The following PHF20 variants were observed in gnomAD, a reference collection of about 807,000 sequenced individuals.
PHF20 encodes PHD finger protein 20.
In PHF20, 23 loss-of-function variants were observed where a neutral mutation model predicts 113.5. The observed-to-expected ratio is 0.20, with a 90% CI of 0.15 to 0.29. PHF20 has a LOEUF of 0.29. Among genes scored for constraint, PHF20 ranks in the 10% least tolerant of loss-of-function variants. The probability of loss-of-function intolerance (pLI) is 1.00; values close to 1 mark genes in which losing one functional copy is unlikely to be tolerated. For synonymous variants in PHF20, 434 were observed against 457.3 expected, an observed-to-expected ratio of 0.95 and a Z score of 0.65; for missense variants, 943 against 1,219.6, an observed-to-expected ratio of 0.77 and a Z score of 3.38.
chr20:35,927,291 G>A (rs1159315927), intron 13 of PHF20, among the ~76,000 whole-genome samples: 1 of 152,170 alleles, frequency 6.6e-6, no homozygotes, highest in African/African-American at 2.4e-5. Flanking sequence ...GCTCATTAGT[G>A]GTTAATAGTA....
chr20:35,861,080 C>T (rs146626162), intron 5 of PHF20, among the ~76,000 whole-genome samples: 211 of 151,944 alleles, frequency 1.4e-3, no homozygotes, highest in African/African-American at 4.7e-3. Context: ...CAAGAGGGTA[C>T]AGTGGTTTGG....
At chr20:35,820,095 C>T (rs756231988) in intron 2 of PHF20, among the ~76,000 whole-genome samples, 4 of 152,126 alleles carry the variant, frequency 2.6e-5, no homozygotes, top group Non-Finnish European at 4.4e-5. Context: ...TGAGCATGGT[C>T]GGGTGTGGCT....
intron 2 of PHF20, among the ~76,000 whole-genome samples, chr20:35,833,265 C>G (rs548961649): frequency 4.6e-5 from 7 of 152,224 alleles, no homozygotes; most frequent in Admixed American, 1.3e-4. Context: ...GACCAGTTAT[C>G]TGACTTGCTT....
chr20:35,824,402 A>T (rs1453744994), intron 2 of PHF20, among the ~76,000 whole-genome samples: 3 of 152,008 alleles, frequency 2.0e-5, no homozygotes, highest in Admixed American at 6.6e-5. Context: ...AGGTCAAGAG[A>T]TCGAGATCAT....
chr20:35,825,690 C>T (rs190621899), intron 2 of PHF20, among the ~76,000 whole-genome samples: 2 of 152,040 alleles, frequency 1.3e-5, no homozygotes, highest in Admixed American at 6.6e-5. Context: ...GTTGCCCAGG[C>T]TGGAGTACAA....
chr20:35,855,807 G>A (rs1235792770), intron 4 of PHF20, among the ~76,000 whole-genome samples: 4 of 152,028 alleles, frequency 2.6e-5, no homozygotes, highest in Non-Finnish European at 5.9e-5. Context: ...CTGAGTAGCT[G>A]GGATTGCAGG....
intron 1 of PHF20, among the ~76,000 whole-genome samples, chr20:35,784,433 CTT>C (rs35002007): frequency 1.8e-5 from 2 of 110,500 alleles, no homozygotes. Flanking sequence ...ATCCCAAAGA[CTT>C]TTTTTTTTTT....
At chr20:35,933,328 G>A (rs1159810021) in intron 15 of PHF20, among the ~76,000 whole-genome samples, 7 of 151,474 alleles carry the variant, frequency 4.6e-5, no homozygotes, top group Non-Finnish European at 8.8e-5. Context: ...CACCTCCTGG[G>A]TTCAAGCGAT....
intron 3 of PHF20, among the ~76,000 whole-genome samples, chr20:35,846,182 AT>A (rs568517729): frequency 2.3e-3 from 333 of 142,754 alleles, no homozygotes; most frequent in Admixed American, 2.7e-3. Context: ...CATTCTACAA[AT>A]TTTTTTTTTT....
intron 9 of PHF20, among the ~76,000 whole-genome samples, chr20:35,894,502 G>C (rs1389660850): frequency 1.3e-5 from 2 of 152,206 alleles, no homozygotes; most frequent in East Asian, 3.8e-4. Context: ...ATACCATACT[G>C]CCTCTGGCAT....
chr20:35,850,590 T>TG (rs2042710018), intron 4 of PHF20: 3 of 80,856 alleles, frequency 3.7e-5, no homozygotes, highest in Non-Finnish European at 6.8e-5. Context: ...GAGCTGTTTT[T>TG]TTTTTTTTTT....
rs144714342 is a variant in PHF20 at position 35,929,987 on chromosome 20, C to T, written c.2105-1262C>T. On this transcript the variant is annotated intron_variant, in intron 14 of 17. Coordinates refer to ENST00000374012, the MANE Select transcript of PHF20 (RefSeq NM_016436.5). Reference sequence around the variant, plus strand: ...CAAGGTTTTTATAGATATTGACAGTCGAACAACAGTCTGGTAGAAAGCTTT... The same window carrying T: ...CAAGGTTTTTATAGATATTGACAGTTGAACAACAGTCTGGTAGAAAGCTTT... Among the ~76,000 whole-genome samples, 6 of 152,306 alleles carry T rather than the reference C, an allele frequency of 3.9e-5. No homozygotes were observed. The East Asian group carries it at 1.2e-3, about 29-fold the overall frequency.
intron 2 of PHF20, 152 bp from the exon 3 acceptor site, chr20:35,842,421 A>AATTTGTG (rs2042551886): frequency 1.6e-6 from 1 of 615,056 alleles, no homozygotes; most frequent in African/African-American, 1.9e-5. Flanking sequence ...TACCCTCCAT[A>AATTTGTG]ATTTGTGATT....
intron 10 of PHF20, among the ~76,000 whole-genome samples, chr20:35,900,327 C>T (rs2055070574): frequency 6.6e-6 from 1 of 152,078 alleles, no homozygotes. Context: ...ATATCACTAC[C>T]TACTTCTTGG....
At chr20:35,934,321 A>G (rs61532285) in intron 15 of PHF20, among the ~76,000 whole-genome samples, 1,603 of 152,304 alleles carry the variant, frequency 0.011, 17 homozygotes, top group East Asian at 0.039. Flanking sequence ...CTGAGGTGCT[A>G]TAACAAGGAC....
intron 9 of PHF20, chr20:35,878,636 C>A: frequency 1.3e-6 from 1 of 783,204 alleles, no homozygotes; most frequent in Non-Finnish European, 2.4e-6. Flanking sequence ...GTCCCTTCAT[C>A]TGATCCACAT....
intron 2 of PHF20, among the ~76,000 whole-genome samples, chr20:35,809,717 C>CAAA (rs759390130): frequency 7.9e-6 from 1 of 126,628 alleles, no homozygotes. Context: ...GACCCTGTCT[C>CAAA]AAAAAAAAAA....
intron 9 of PHF20, among the ~76,000 whole-genome samples, chr20:35,873,085 T>C (rs542213487): frequency 2.0e-5 from 3 of 151,894 alleles, no homozygotes; most frequent in Admixed American, 6.6e-5. Context: ...GAAGATCTTT[T>C]AGATGCATAC....
intron 17 of PHF20, among the ~76,000 whole-genome samples, chr20:35,941,640 A>G (rs1009304041): frequency 2.6e-5 from 4 of 152,210 alleles, no homozygotes; most frequent in African/African-American, 9.7e-5. Context: ...TGGTTGTTGA[A>G]ATATTCCCTA....
Sources: allele counts gnomAD v4.1 joint callset (sites outside exome capture counted in the v4.1 genomes callset), GRCh38; gene constraint gnomAD v4.1.1; transcripts MANE v1.5; gene names NCBI Gene and HGNC (gene_info 2026-07-23, HGNC 2026-07-21).